PTPRA: variants seen among roughly 807,000 people sequenced by gnomAD.
PTPRA encodes protein tyrosine phosphatase receptor type A.
PTPRA carries 25 observed loss-of-function variants against 104.8 expected under a neutral mutation model. The observed-to-expected ratio is 0.24, with a 90% confidence interval of 0.17 to 0.33. PTPRA has a LOEUF of 0.33. Ranked by LOEUF, PTPRA falls within the 10% of genes least tolerant of loss-of-function variation. The probability of loss-of-function intolerance (pLI) is 1.00; values close to 1 mark genes in which losing one functional copy is unlikely to be tolerated. For synonymous variants in PTPRA, 323 were observed against 368.9 expected (o/e 0.88, Z 1.43); for missense variants, 765 against 1,015.3 (o/e 0.75, Z 3.35).
intron 13 of PTPRA, among the ~76,000 whole-genome samples, chr20:3,019,485 G>A (rs1200046988): frequency 1.3e-5 from 2 of 150,812 alleles, no homozygotes; most frequent in African/African-American, 4.9e-5. Flanking sequence ...GGGGCGGCAG[G>A]GCAGAGGTGC....
At chr20:3,023,235 G>A (rs1470202197) in intron 16 of PTPRA, among the ~76,000 whole-genome samples, 4 of 152,196 alleles carry the variant, frequency 2.6e-5, no homozygotes, top group South Asian at 2.1e-4. Context: ...AATGCACTGC[G>A]GAAGGCCGCA....
At chr20:2,866,468 G>A in the PTPRA span, 113 of 1,614,166 alleles carry the variant, frequency 7.0e-5, no homozygotes, top group South Asian at 6.9e-4. Flanking sequence ...ATCGAACACC[G>A]GAATGAGGCT....
rs564782976 is a variant in PTPRA at position 3,019,058 on chromosome 20, G to A, written c.1041+1145G>A. 8.2e-3 allele frequency among the ~76,000 whole-genome samples: 1,112 copies of A among 135,456 alleles called. 77 individuals are homozygous for A. The highest frequency in any genetic ancestry group is 0.055 in the Admixed American group (728 of 13,230). 88.9% of individuals were successfully genotyped at this position (135,456 alleles called of 152,430 possible). ...GACCCCCCCACCTCCCGGACGGGGC[G>A]GCTGGCCGGGCAGAGGGGCTCCTCA... On this transcript the variant is annotated intron_variant, in intron 13 of 23. Transcript: ENST00000399903.
At chr20:3,026,815 C>A in intron 18 of PTPRA, 35 bp downstream of exon 18, 2 of 1,508,494 alleles carry the variant, frequency 1.3e-6, no homozygotes, top group Non-Finnish European at 1.8e-6. Flanking sequence ...AGCCTTATTG[C>A]CCCATCCCTC....
chr20:3,024,422 G>T, intron 16 of PTPRA, 50 bp from the exon 17 acceptor site: 2 of 1,558,032 alleles, frequency 1.3e-6, no homozygotes, highest in South Asian at 2.3e-5. Context: ...GATCTGGCAT[G>T]AGAACTATGT....
intron 1 of PTPRA, among the ~76,000 whole-genome samples, chr20:2,904,125 C>T (rs574203317): frequency 7.2e-5 from 11 of 151,824 alleles, no homozygotes; most frequent in East Asian, 1.9e-4. Flanking sequence ...TATGATGCCC[C>T]GGCTGGTCTT....
chr20:2,875,043 C>A (rs1242049598), intron 1 of PTPRA, among the ~76,000 whole-genome samples: 3 of 152,232 alleles, frequency 2.0e-5, no homozygotes, highest in East Asian at 1.9e-4. Context: ...TGTGTCTTGC[C>A]CACCTTTCTA....
chr20:2,904,513 CA>C (rs2059348113), intron 1 of PTPRA, among the ~76,000 whole-genome samples: 1 of 151,450 alleles, frequency 6.6e-6, no homozygotes, highest in East Asian at 1.9e-4. Flanking sequence ...TACTAAAATA[CA>C]AAAAATTAGC....
intron 1 of PTPRA, among the ~76,000 whole-genome samples, chr20:2,898,287 A>G (rs1476458908): frequency 6.6e-6 from 1 of 151,498 alleles, no homozygotes; most frequent in South Asian, 2.1e-4. Flanking sequence ...TCACTGTGTT[A>G]GCCAGGATGG....
chr20:3,027,254 C>T, intron 19 of PTPRA, 57 bp downstream of exon 19: 2 of 1,511,852 alleles, frequency 1.3e-6, no homozygotes, highest in Non-Finnish European at 1.8e-6. Flanking sequence ...TCAGCCAGCA[C>T]TTGCAGTGCC....
chr20:3,002,914 C>T (rs1411324748), intron 9 of PTPRA, among the ~76,000 whole-genome samples: 3 of 152,286 alleles, frequency 2.0e-5, no homozygotes, highest in South Asian at 4.2e-4. Flanking sequence ...TCAACCTCAC[C>T]TTCTGCGTGA....
chr20:2,872,677 G>C (rs1029457833), upstream of PTPRA, among the ~76,000 whole-genome samples: 1 of 152,236 alleles, frequency 6.6e-6, no homozygotes, highest in African/African-American at 2.4e-5. The surrounding 1 kb of genome is among the most constrained non-coding windows in gnomAD (Gnocchi z 7.9). Context: ...CCGCTGGATG[G>C]ACTGAGCGAT....
At chr20:2,949,720 GTT>G (rs11477018) in intron 3 of PTPRA, among the ~76,000 whole-genome samples, 1 of 145,550 alleles carries the variant, frequency 6.9e-6, no homozygotes, top group African/African-American at 2.5e-5. Flanking sequence ...ATTGCGTATT[GTT>G]TTTTTTTTTA....
At position 3,003,150 on chromosome 20, in the gene PTPRA, T is replaced by C. The variant is rs148628164; in HGVS notation, c.739-1906T>C. ...TATAATTATATATGTATTTGTTTTA[T>C]TTGTTTAATGTCTGCTTTTCACCCA... is the stretch of plus-strand genomic sequence containing the variant. On this transcript the variant is annotated intron_variant, in intron 9 of 23. Coordinates refer to ENST00000399903, the MANE Select transcript of PTPRA (RefSeq NM_001385305.1). Among the ~76,000 whole-genome samples, 824 of 152,372 alleles carry C rather than the reference T, an allele frequency of 5.4e-3. 9 individuals are homozygous for C. Among genetic ancestry groups the C allele is most frequent in the African/African-American group, 0.017 (720 of 41,588 alleles).
intron 1 of PTPRA, among the ~76,000 whole-genome samples, chr20:2,909,917 T>TTA (rs1491013213): frequency 3.1e-5 from 4 of 130,750 alleles, no homozygotes; most frequent in Non-Finnish European, 6.1e-5. Flanking sequence ...ATATATATGT[T>TTA]ATATATTGTT....
chr20:2,978,545 T>C (rs1431943611), intron 6 of PTPRA, among the ~76,000 whole-genome samples: 1 of 152,132 alleles, frequency 6.6e-6, no homozygotes, highest in Non-Finnish European at 1.5e-5. Flanking sequence ...ACTCACCTGT[T>C]TAGAGGTGAG....
intron 11 of PTPRA, among the ~76,000 whole-genome samples, chr20:3,009,335 G>A (rs1383499851): frequency 1.3e-5 from 2 of 151,988 alleles, no homozygotes; most frequent in Admixed American, 1.3e-4. Flanking sequence ...GAGGACATGT[G>A]GTACTCAGAC....
chr20:2,893,184 A>G (rs1043795853), intron 1 of PTPRA, among the ~76,000 whole-genome samples: 3 of 152,198 alleles, frequency 2.0e-5, no homozygotes, highest in African/African-American at 7.2e-5. Flanking sequence ...TTGCAGTTTT[A>G]TATCTCCAGC....
chr20:2,902,667 A>C (rs2059281979), intron 1 of PTPRA, among the ~76,000 whole-genome samples: 1 of 152,224 alleles, frequency 6.6e-6, no homozygotes, highest in Admixed American at 6.5e-5. Flanking sequence ...GTTTGTGTCT[A>C]ATTTAAACAG....
Sources: allele counts gnomAD v4.1 joint callset (sites outside exome capture counted in the v4.1 genomes callset), GRCh38; gene constraint gnomAD v4.1.1; non-coding constraint Gnocchi (gnomAD v3.1); transcripts MANE v1.5; gene names NCBI Gene and HGNC (gene_info 2026-07-23, HGNC 2026-07-21).